The following MGAT4C variants were observed in gnomAD, a reference collection of about 807,000 sequenced individuals.
MGAT4C encodes alpha-1,3-mannosyl-glycoprotein 4-beta-N-acetylglucosaminyltransferase C.
A neutral mutation model predicts 40.1 loss-of-function variants in MGAT4C; 19 were observed. The ratio of observed to expected loss-of-function variants is 0.47; its 90% confidence interval spans 0.33 to 0.70. The LOEUF is 0.70. Among genes scored for constraint, MGAT4C ranks in the 30% least tolerant of loss-of-function variants. The pLI is 0.02. For missense variants in MGAT4C, 491 were observed against 563.2 expected (o/e 0.87, Z 1.30); for synonymous variants, 181 against 187.1 (o/e 0.97, Z 0.27).
chr12:86,467,563 C>CT (rs1257293793), intron 2 of MGAT4C, among the ~76,000 whole-genome samples: 1 of 151,908 alleles, frequency 6.6e-6, no homozygotes, highest in Admixed American at 6.6e-5. Flanking sequence ...TCAGGAGTTG[C>CT]TTTTTTTATG....
chr12:86,782,143 C>T (rs1043007838), intron 1 of MGAT4C, among the ~76,000 whole-genome samples: 1 of 148,572 alleles, frequency 6.7e-6, no homozygotes, highest in African/African-American at 2.5e-5. Context: ...CAGCCATCCG[C>T]CACCACGCCT....
chr12:86,772,063 T>C (rs958018430), intron 1 of MGAT4C, among the ~76,000 whole-genome samples: 1 of 152,146 alleles, frequency 6.6e-6, no homozygotes, highest in African/African-American at 2.4e-5. Context: ...AGCATATCCA[T>C]ACTGCAAAAA....
intron 2 of MGAT4C, among the ~76,000 whole-genome samples, chr12:86,032,762 A>C (rs540585645): frequency 6.7e-6 from 1 of 149,794 alleles, no homozygotes; most frequent in African/African-American, 2.4e-5. Context: ...GAAGCTTTTC[A>C]GTTTAATTAG....
rs748541109 is a variant in MGAT4C at position 86,168,889 on chromosome 12, C to A, written c.-57+87350G>T. Among the ~76,000 whole-genome samples, 7 of 152,108 alleles carry A rather than the reference C, an allele frequency of 4.6e-5. No individual in the cohort carries two copies. In the East Asian group the frequency reaches 9.7e-4, roughly 21 times the overall value. Reference sequence around the variant, plus strand: ...TCCAGGTCCCGTACCATTACAGCTTCTTTTCCTTCTTGGCTGAGTACAATC... The same window carrying A: ...TCCAGGTCCCGTACCATTACAGCTTATTTTCCTTCTTGGCTGAGTACAATC... On this transcript the variant is annotated intron_variant, in intron 1 of 4. Transcript: ENST00000611864.
intron 2 of MGAT4C, among the ~76,000 whole-genome samples, chr12:86,520,719 C>A (rs138124808): frequency 6.3e-4 from 96 of 152,198 alleles, no homozygotes; most frequent in African/African-American, 2.3e-3. Context: ...TCCTTTTTCT[C>A]TGGAACCTCA....
intron 2 of MGAT4C, among the ~76,000 whole-genome samples, chr12:86,648,667 G>A (rs76837555): frequency 3.5e-4 from 53 of 151,934 alleles, no homozygotes; most frequent in African/African-American, 1.2e-3. Flanking sequence ...TGAACGTCCC[G>A]GACTCCTGAA....
At chr12:86,514,837 A>C (rs11103976) in intron 2 of MGAT4C, among the ~76,000 whole-genome samples, 15,273 of 152,240 alleles carry the variant, frequency 0.1, 897 homozygotes, top group Non-Finnish European at 0.14. Flanking sequence ...ATTTAAGAAA[A>C]TTAAAACCTA....
At chr12:86,464,775 C>A (rs574035632) in intron 2 of MGAT4C, among the ~76,000 whole-genome samples, 76 of 151,882 alleles carry the variant, frequency 5.0e-4, no homozygotes, top group Non-Finnish European at 9.9e-4. Context: ...ATTAATATTT[C>A]TATATTAACT....
At chr12:86,716,289 GA>G (rs990150228) in intron 2 of MGAT4C, among the ~76,000 whole-genome samples, 4 of 151,942 alleles carry the variant, frequency 2.6e-5, no homozygotes, top group Non-Finnish European at 5.9e-5. Context: ...TAAAAATTAA[GA>G]AATAAACCAT....
intron 1 of MGAT4C, among the ~76,000 whole-genome samples, chr12:86,105,879 C>T (rs957227350): frequency 1.3e-5 from 2 of 152,180 alleles, no homozygotes. Context: ...TGTGCACTTA[C>T]TTTACAAATA....
intron 2 of MGAT4C, among the ~76,000 whole-genome samples, chr12:86,436,231 G>T (rs1402728903): frequency 7.0e-6 from 1 of 142,236 alleles, no homozygotes; most frequent in Non-Finnish European, 1.6e-5. Context: ...TTAAGCAAGT[G>T]CAACAAAACA....
chr12:86,506,375 T>G (rs150938025), intron 2 of MGAT4C, among the ~76,000 whole-genome samples: 1,920 of 152,180 alleles, frequency 0.013, 21 homozygotes, highest in East Asian at 0.045. Flanking sequence ...GACTTGGAAA[T>G]CAAAGAAAAC....
intron 2 of MGAT4C, among the ~76,000 whole-genome samples, chr12:86,663,028 TA>T (rs1291731650): frequency 6.6e-6 from 1 of 152,022 alleles, no homozygotes; most frequent in African/African-American, 2.4e-5. Flanking sequence ...TCTTATTCAG[TA>T]GCTAGTTTTG....
At chr12:86,807,444 G>C (rs1952379691) in intron 1 of MGAT4C, among the ~76,000 whole-genome samples, 1 of 151,966 alleles carries the variant, frequency 6.6e-6, no homozygotes, top group Admixed American at 6.6e-5. Context: ...GTTCCTGCAA[G>C]GACATGATTT....
At chr12:86,179,361 A>C (rs1331213995) in intron 1 of MGAT4C, among the ~76,000 whole-genome samples, 4 of 152,156 alleles carry the variant, frequency 2.6e-5, no homozygotes, top group Admixed American at 6.6e-5. Context: ...AAAACAAACT[A>C]ATACAGTAAG....
chr12:86,141,484 A>G (rs1566042203), intron 1 of MGAT4C, among the ~76,000 whole-genome samples: 1 of 152,168 alleles, frequency 6.6e-6, no homozygotes. Context: ...TTATCACATA[A>G]ATCTTTTCAT....
At chr12:86,706,274 G>A (rs775668983) in intron 2 of MGAT4C, among the ~76,000 whole-genome samples, 1 of 152,176 alleles carries the variant, frequency 6.6e-6, no homozygotes, top group Non-Finnish European at 1.5e-5. Context: ...ATTTGAGGGA[G>A]AGAATTAATT....
intron 1 of MGAT4C, among the ~76,000 whole-genome samples, chr12:86,731,134 T>C (rs1452574664): frequency 6.6e-6 from 1 of 152,146 alleles, no homozygotes; most frequent in Non-Finnish European, 1.5e-5. Context: ...CTTAAAGAAA[T>C]TTTAAGCCTC....
At chr12:86,028,139 GCA>G in intron 2 of MGAT4C, 2 of 1,288,182 alleles carry the variant, frequency 1.6e-6, no homozygotes, top group Middle Eastern at 2.1e-4. Context: ...ACACTCCTCT[GCA>G]CAGTCTTTCT....
Sources: gnomAD v4.1 joint callset for allele counts (sites outside exome capture counted in the v4.1 genomes callset) on GRCh38, gnomAD v4.1.1 for gene constraint, MANE v1.5 for transcripts, NCBI Gene and HGNC (gene_info 2026-07-23, HGNC 2026-07-21) for gene names.